Variants in TNPO3 observed in about 807,000 individuals in gnomAD.
The protein encoded by TNPO3 is transportin 3, also known as transportin-3.
Under a neutral mutation model 122.8 loss-of-function variants are expected in TNPO3, and 65 were observed. The observed-to-expected ratio is 0.53, with a 90% CI of 0.43 to 0.65. The LOEUF (loss-of-function observed/expected upper bound fraction) is 0.65. Ranked by LOEUF, TNPO3 falls within the 30% of genes least tolerant of loss-of-function variation. The probability of loss-of-function intolerance (pLI) is 0.00; values close to 1 mark genes in which losing one functional copy is unlikely to be tolerated. For missense variants in TNPO3, 850 were observed against 1,136.7 expected (o/e 0.75, Z 3.63); for synonymous variants, 372 against 411.2 (o/e 0.90, Z 1.15).
At chr7:128,986,682 G>C (rs750708431) in intron 12 of TNPO3, 47 bp downstream of exon 12, 3 of 1,518,274 alleles carry the variant, frequency 2.0e-6, no homozygotes, top group Admixed American at 4.1e-5. Flanking sequence ...GATTACCCCA[G>C]GTAGTGGCTT....
intron 22 of TNPO3, among the ~76,000 whole-genome samples, chr7:128,956,675 A>G (rs1337981798): frequency 6.6e-6 from 1 of 152,216 alleles, no homozygotes; most frequent in Non-Finnish European, 1.5e-5. Context: ...AACACTTCTG[A>G]AAGTGTTTTT....
At chr7:129,037,295 G>A (rs1206774958) in intron 1 of TNPO3, among the ~76,000 whole-genome samples, 1 of 152,142 alleles carries the variant, frequency 6.6e-6, no homozygotes, top group African/African-American at 2.4e-5. Context: ...TTGCTTAAAT[G>A]CATCAGAAAG....
At chr7:129,013,434 CAAA>C (rs3993440) in intron 4 of TNPO3, among the ~76,000 whole-genome samples, 5 of 127,700 alleles carry the variant, frequency 3.9e-5, no homozygotes, top group Non-Finnish European at 4.9e-5. Flanking sequence ...CAAATAATAG[CAAA>C]AAAAAAAAAA....
At chr7:128,985,595 AAAAT>A (rs987001240) in intron 12 of TNPO3, among the ~76,000 whole-genome samples, 2 of 152,198 alleles carry the variant, frequency 1.3e-5, no homozygotes, top group East Asian at 1.9e-4. Context: ...CCCTGTCTCT[AAAAT>A]AAATAAATAA....
intron 11 of TNPO3, among the ~76,000 whole-genome samples, chr7:128,987,966 T>C (rs1800342844): frequency 6.6e-6 from 1 of 152,080 alleles, no homozygotes. Flanking sequence ...ATCAAAATAA[T>C]AACATCTTTT....
intron 15 of TNPO3, among the ~76,000 whole-genome samples, 171 bp downstream of exon 15, chr7:128,979,800 C>T (rs1799448226): frequency 6.6e-6 from 1 of 152,158 alleles, no homozygotes; most frequent in African/African-American, 2.4e-5. Context: ...GTTATCAAAT[C>T]TAAAATAAAA....
At chr7:129,014,830 T>TG in intron 4 of TNPO3, 149 bp downstream of exon 4, 1 of 668,542 alleles carries the variant, frequency 1.5e-6, no homozygotes, top group Non-Finnish European at 2.3e-6. Context: ...TCTGAAAGTA[T>TG]GTTGTCATGG....
chr7:128,975,768 C>A lies in TNPO3; in HGVS notation c.2178+51G>T, dbSNP rs374936544. The A allele has an allele frequency of 4.6e-6, 5 of 1,084,012 alleles. No homozygotes were observed. The Admixed American group carries it at 7.5e-5, about 16-fold the overall frequency. The allele number at this position is 1,084,012 out of a possible 1,614,324, so 67.1% of individuals were successfully genotyped here. A position where few individuals can be genotyped will look rare whatever the true frequency, so the allele number is the denominator to read the frequency against. ...ACATGGTAAAGAATACGCTGCTAGG[C>A]CTTCAGACCCTCTAGGCCTGATGCG... is the stretch of plus-strand genomic sequence containing the variant. On this transcript the variant is annotated intron_variant, in intron 17 of 22. Coordinates refer to ENST00000265388, the MANE Select transcript of TNPO3 (RefSeq NM_012470.4).
At chr7:129,024,542 T>C (rs1034226709) in intron 1 of TNPO3, among the ~76,000 whole-genome samples, 4 of 152,170 alleles carry the variant, frequency 2.6e-5, no homozygotes, top group East Asian at 1.9e-4. Context: ...AAACACTATA[T>C]GCCTCTTGAT....
At chr7:129,018,324 T>C (rs1804072498) in intron 1 of TNPO3, among the ~76,000 whole-genome samples, 167 bp from the exon 2 acceptor site, 1 of 152,228 alleles carries the variant, frequency 6.6e-6, no homozygotes, top group East Asian at 1.9e-4. Context: ...TACATTGTTA[T>C]AGGCCCTGTT....
chr7:128,991,631 A>C (rs1800757329), intron 10 of TNPO3, among the ~76,000 whole-genome samples: 1 of 152,220 alleles, frequency 6.6e-6, no homozygotes, highest in South Asian at 2.1e-4. Flanking sequence ...CCAAGGTCAC[A>C]AAAGCAGGAA....
Position 129,005,161 on chromosome 7 carries a change from T to C in TNPO3, c.553-2A>G. Reference sequence around the variant, plus strand: ...TCCTGCTTTTTCTACACAGGTCATCTGAATAGAGAAAAAAACTTAAAATGA... The same window carrying C: ...TCCTGCTTTTTCTACACAGGTCATCCGAATAGAGAAAAAAACTTAAAATGA... On this transcript the variant is annotated splice_acceptor_variant, in intron 4 of 22. Transcript: ENST00000265388. LOFTEE classifies it high-confidence loss of function. 6.2e-7 allele frequency: 1 copy of C among 1,609,130 alleles called. No homozygotes were observed. The highest frequency in any genetic ancestry group is 8.5e-7 in the Non-Finnish European group (1 of 1,178,316).
chr7:129,033,906 C>CAAAA (rs776103730), intron 1 of TNPO3, among the ~76,000 whole-genome samples: 2 of 72,476 alleles, frequency 2.8e-5, no homozygotes, highest in African/African-American at 5.4e-5. Flanking sequence ...GAGCTAAACT[C>CAAAA]AAAAAAAAAA....
At chr7:128,990,199 C>T (rs763263728) in intron 10 of TNPO3, 99 bp from the exon 11 acceptor site, 1 of 1,299,922 alleles carries the variant, frequency 7.7e-7, no homozygotes, top group Admixed American at 1.7e-5. Context: ...TAAAGGGCTT[C>T]TTTCTAAACA....
intron 1 of TNPO3, among the ~76,000 whole-genome samples, chr7:129,024,809 A>G (rs1213074086): frequency 6.6e-6 from 1 of 152,070 alleles, no homozygotes; most frequent in Non-Finnish European, 1.5e-5. Context: ...GGATCACTTG[A>G]GGCCAGGAGT....
In TNPO3 at chr7:129,015,163, T is replaced by A. The variant is rs542739949; in HGVS notation, c.396-28A>T. The A allele has an allele frequency of 6.3e-6, 10 of 1,597,444 alleles. No individual in the cohort carries two copies. In the South Asian group the frequency reaches 1.0e-4, roughly 16 times the overall value. On this transcript the variant is annotated intron_variant, in intron 3 of 22. Transcript: ENST00000265388. ...GCAAAAGAAAAAAGTGGAGATATGT[T>A]ATTTATAGCCAGAAAATACACAATC...
intron 7 of TNPO3, among the ~76,000 whole-genome samples, chr7:128,998,189 C>T (rs1801541945): frequency 6.6e-6 from 1 of 151,834 alleles, no homozygotes; most frequent in South Asian, 2.1e-4. Flanking sequence ...GAAACACCAT[C>T]TCTAAAAAAA....
intron 4 of TNPO3, among the ~76,000 whole-genome samples, chr7:129,007,191 A>G (rs1802673070): frequency 6.6e-6 from 1 of 152,248 alleles, no homozygotes; most frequent in Non-Finnish European, 1.5e-5. Flanking sequence ...TATACTGATG[A>G]GAAAACTGAG....
chr7:128,970,411 A>G (rs1798342367), intron 19 of TNPO3, 96 bp from the exon 20 acceptor site: 3 of 1,268,736 alleles, frequency 2.4e-6, no homozygotes. Flanking sequence ...CTTTAATAGG[A>G]AAGTGTGTGT....
Sources: gnomAD v4.1 joint callset for allele counts (sites outside exome capture counted in the v4.1 genomes callset) on GRCh38, gnomAD v4.1.1 for gene constraint, MANE v1.5 for transcripts, NCBI Gene and HGNC (gene_info 2026-07-23, HGNC 2026-07-21) for gene names.